The following SPSB4 variants were observed in gnomAD, a reference collection of about 807,000 sequenced individuals.
SPSB4 encodes the protein splA/ryanodine receptor domain and SOCS box containing 4.
A neutral mutation model predicts 20.9 loss-of-function variants in SPSB4; 21 were observed. That is an observed-to-expected ratio of 1.01 (90% CI 0.71 to 1.45). The LOEUF (loss-of-function observed/expected upper bound fraction) is 1.45. SPSB4 is among the 40% of genes most tolerant of loss of function. The pLI is 0.00. For missense variants in SPSB4, 399 were observed against 399.2 expected (o/e 1.00, Z 0.00); for synonymous variants, 207 against 183.8 (o/e 1.13, Z -1.02).
At chr3:141,052,945 G>A (rs1280496476) in intron 1 of SPSB4, among the ~76,000 whole-genome samples, 1 of 152,200 alleles carries the variant, frequency 6.6e-6, no homozygotes, top group Non-Finnish European at 1.5e-5. Flanking sequence ...ATGGCCAAGC[G>A]CAGACGGCTG....
At chr3:141,105,838 C>A (rs562535247) in intron 2 of SPSB4, among the ~76,000 whole-genome samples, 4 of 152,218 alleles carry the variant, frequency 2.6e-5, no homozygotes, top group Admixed American at 1.3e-4. Context: ...AAAAAAATTT[C>A]TTTTCCATCT....
At chr3:141,083,415 G>T (rs1346443923) in intron 2 of SPSB4, among the ~76,000 whole-genome samples, 1 of 152,196 alleles carries the variant, frequency 6.6e-6, no homozygotes, top group African/African-American at 2.4e-5. Context: ...GTGTCCAGCA[G>T]AAGATATGAG....
chr3:141,118,504 A>G (rs746354299), intron 2 of SPSB4, among the ~76,000 whole-genome samples: 5 of 151,984 alleles, frequency 3.3e-5, no homozygotes, highest in Non-Finnish European at 7.4e-5. Context: ...ATTAGACGCC[A>G]TTTGTCTATT....
chr3:141,063,180 T>G (rs1937798185), intron 1 of SPSB4, among the ~76,000 whole-genome samples: 1 of 152,262 alleles, frequency 6.6e-6, no homozygotes. Flanking sequence ...TTACAGTGCC[T>G]GCTTAGTTTG....
chr3:141,113,610 G>C (rs1181166566), intron 2 of SPSB4, among the ~76,000 whole-genome samples: 1 of 152,142 alleles, frequency 6.6e-6, no homozygotes, highest in Admixed American at 6.5e-5. Flanking sequence ...GGAATATCCA[G>C]AATAGGTAAA....
chr3:141,111,119 C>T (rs1938790937), intron 2 of SPSB4, among the ~76,000 whole-genome samples: 4 of 152,228 alleles, frequency 2.6e-5, no homozygotes, highest in Admixed American at 2.0e-4. Flanking sequence ...AATGAAGACA[C>T]TAGTGCAGGA....
chr3:141,080,477 T>G (rs1938210622), intron 2 of SPSB4: 1 of 152,422 alleles, frequency 6.6e-6, no homozygotes, highest in South Asian at 2.1e-4. Context: ...CTGGGGCAAG[T>G]GAGTGACCCA....
chr3:141,081,191 G>A (rs971734838), intron 2 of SPSB4, among the ~76,000 whole-genome samples: 6 of 152,212 alleles, frequency 3.9e-5, no homozygotes, highest in African/African-American at 1.2e-4. Flanking sequence ...ATATGTGGTC[G>A]TTTAATTAAA....
chr3:141,060,803 C>A (rs367738537), intron 1 of SPSB4, among the ~76,000 whole-genome samples: 16 of 152,164 alleles, frequency 1.1e-4, no homozygotes, highest in South Asian at 8.3e-4. Context: ...ATTTTTTTGA[C>A]CTTTAATAAG....
chr3:141,100,473 C>T (rs192344473), intron 2 of SPSB4, among the ~76,000 whole-genome samples: 66 of 152,246 alleles, frequency 4.3e-4, no homozygotes, highest in East Asian at 3.3e-3. Context: ...GGTAAACCAC[C>T]GGAAGCTAGG....
At chr3:141,077,109 G>A (rs1189019371) in intron 2 of SPSB4, 1 of 152,126 alleles carries the variant, frequency 6.6e-6, no homozygotes, top group African/African-American at 2.4e-5. Flanking sequence ...ACACTAATAA[G>A]GCTGCTTGTC....
intron 2 of SPSB4, among the ~76,000 whole-genome samples, chr3:141,069,629 C>T (rs888593858): frequency 2.6e-5 from 4 of 152,172 alleles, no homozygotes; most frequent in Non-Finnish European, 4.4e-5. Flanking sequence ...CTCACAGAGC[C>T]GGGTCAGACC....
chr3:141,053,118 T>A (rs1276191034), intron 1 of SPSB4, among the ~76,000 whole-genome samples: 1 of 152,084 alleles, frequency 6.6e-6, no homozygotes, highest in Non-Finnish European at 1.5e-5. Flanking sequence ...TTTCCTCTTC[T>A]GCGCCCCACT....
At chr3:141,052,728 A>G (rs887553699) in intron 1 of SPSB4, among the ~76,000 whole-genome samples, 5 of 152,036 alleles carry the variant, frequency 3.3e-5, no homozygotes, top group Non-Finnish European at 7.4e-5. Context: ...AAACTTGTCT[A>G]TGCTCGGGAA....
chr3:141,106,079 C>T (rs573883799), intron 2 of SPSB4, among the ~76,000 whole-genome samples: 1 of 152,346 alleles, frequency 6.6e-6, no homozygotes, highest in Non-Finnish European at 1.5e-5. Flanking sequence ...CTAGTCTGTG[C>T]TCTGCCCTAG....
At chr3:141,096,165 C>A (rs1559847821) in intron 2 of SPSB4, among the ~76,000 whole-genome samples, 1 of 152,126 alleles carries the variant, frequency 6.6e-6, no homozygotes, top group Non-Finnish European at 1.5e-5. Context: ...CTTTTATATG[C>A]TTCCTTGTAG....
intron 2 of SPSB4, among the ~76,000 whole-genome samples, chr3:141,121,590 TC>T (rs1938967240): frequency 6.6e-6 from 1 of 152,238 alleles, no homozygotes; most frequent in Non-Finnish European, 1.5e-5. Flanking sequence ...GTTCCACATT[TC>T]TTGGAGGCTT....
intron 2 of SPSB4, among the ~76,000 whole-genome samples, chr3:141,083,951 G>A (rs1394831425): frequency 2.0e-5 from 3 of 152,100 alleles, no homozygotes; most frequent in Non-Finnish European, 4.4e-5. Context: ...AGACTCTGAA[G>A]TTGGGCAGAA....
intron 2 of SPSB4, among the ~76,000 whole-genome samples, chr3:141,104,555 C>T (rs1322408840): frequency 1.3e-5 from 2 of 152,174 alleles, no homozygotes; most frequent in Admixed American, 6.5e-5. Context: ...TTCTGGAAGT[C>T]TGTGGGAGGA....
Sources: gnomAD v4.1 joint callset for allele counts (sites outside exome capture counted in the v4.1 genomes callset) on GRCh38, gnomAD v4.1.1 for gene constraint, MANE v1.5 for transcripts, NCBI Gene and HGNC (gene_info 2026-07-23, HGNC 2026-07-21) for gene names.